The following DNAJC5 variants were observed in gnomAD, a reference collection of about 807,000 sequenced individuals.
DNAJC5 encodes DnaJ heat shock protein family (Hsp40) member C5.
A neutral mutation model predicts 23.2 loss-of-function variants in DNAJC5; 1 was observed. That is an observed-to-expected ratio of 0.04 (90% confidence interval 0.02 to 0.20). DNAJC5 has a LOEUF of 0.20. Among genes scored for constraint, DNAJC5 ranks in the 10% least tolerant of loss-of-function variants. DNAJC5 has a pLI of 1.00. For synonymous variants in DNAJC5, 136 were observed against 120.0 expected, an observed-to-expected ratio of 1.13 and a Z score of -0.87; for missense variants, 180 against 267.0, an observed-to-expected ratio of 0.67 and a Z score of 2.27.
chr20:63,899,864 A>G lies in DNAJC5; in HGVS notation c.-12+4541A>G, dbSNP rs1450431092. Among the ~76,000 whole-genome samples, 4 of 143,122 alleles carry G rather than the reference A, an allele frequency of 2.8e-5. No individual in the cohort carries two copies. The East Asian group carries it at 8.2e-4, about 29-fold the overall frequency. 93.9% of individuals were successfully genotyped at this position (143,122 alleles called of 152,430 possible). The stretch of plus-strand genomic sequence containing the variant: ...CCAAAGTGCTGGGATTGCAGGTGTG[A>G]GCCACTGCGCCTGGGCTTTTTTTTT... On this transcript the variant is annotated intron_variant, in intron 1 of 4. Coordinates refer to ENST00000360864, the MANE Select transcript of DNAJC5 (RefSeq NM_025219.3).
intron 1 of DNAJC5, chr20:63,909,155 C>T (rs1379670509): frequency 1.3e-5 from 2 of 151,890 alleles, no homozygotes; most frequent in Non-Finnish European, 2.9e-5. Flanking sequence ...ATCAGTCGGG[C>T]GTGGTGGCTC....
chr20:63,904,779 T>G (rs910986680), intron 1 of DNAJC5, among the ~76,000 whole-genome samples: 1 of 152,022 alleles, frequency 6.6e-6, no homozygotes, highest in Admixed American at 6.6e-5. Context: ...TAAGGCAGAT[T>G]AATAAACTGT....
chr20:63,904,581 A>G (rs1322551112), intron 1 of DNAJC5, among the ~76,000 whole-genome samples: 2 of 152,178 alleles, frequency 1.3e-5, no homozygotes, highest in Non-Finnish European at 2.9e-5. Context: ...AGATGCGTGC[A>G]GGTGTTCATG....
At chr20:63,921,785 GT>G (rs910731473) in intron 1 of DNAJC5, among the ~76,000 whole-genome samples, 11 of 148,364 alleles carry the variant, frequency 7.4e-5, no homozygotes, top group African/African-American at 2.5e-4. Context: ...CCCCTTGAAA[GT>G]TTTTTTTTTG....
At chr20:63,915,423 TA>T (rs10542373) in intron 1 of DNAJC5, among the ~76,000 whole-genome samples, 11,431 of 125,274 alleles carry the variant, frequency 0.091, 530 homozygotes, top group Non-Finnish European at 0.12. Flanking sequence ...CTACAATTGG[TA>T]AAAAAAAAAA....
In DNAJC5 at chr20:63,920,701, T is replaced by C. The variant is rs993150010; in HGVS notation, c.-11-7634T>C. On this transcript the variant is annotated intron_variant, in intron 1 of 4. Coordinates refer to ENST00000360864, the MANE Select transcript of DNAJC5 (RefSeq NM_025219.3). The surrounding 1 kb of genome is among the most constrained non-coding windows in gnomAD (Gnocchi z 4.6). ...TTATTTATTTATTTATTTTTGAGAC[T>C]GAGTCTGACTCTGTCACCCAGGCTG... Among the ~76,000 whole-genome samples the C allele has an allele frequency of 1.3e-5, 2 of 152,150 alleles. No individual in the cohort carries two copies. The highest frequency in any genetic ancestry group is 4.8e-5 in the African/African-American group (2 of 41,420).
intron 1 of DNAJC5, among the ~76,000 whole-genome samples, chr20:63,922,466 CAA>C (rs71333725): frequency 1.1e-4 from 13 of 117,270 alleles, no homozygotes; most frequent in East Asian, 4.5e-4. Context: ...GACTCTGTCT[CAA>C]AAAAAAAAAA....
chr20:63,897,283 A>G (rs189603043), intron 1 of DNAJC5, among the ~76,000 whole-genome samples: 15 of 152,200 alleles, frequency 9.9e-5, no homozygotes, highest in Non-Finnish European at 1.8e-4. Context: ...AATCCCAGCT[A>G]CTAGGGAGGC....
intron 1 of DNAJC5, among the ~76,000 whole-genome samples, chr20:63,900,122 C>T (rs927693881): frequency 1.1e-4 from 16 of 151,206 alleles, no homozygotes; most frequent in Non-Finnish European, 5.9e-5. Flanking sequence ...CTCCTGACCT[C>T]AGGTGATCCA....
rs945705172 is a variant in DNAJC5, at chr20:63,928,717, G to A, written c.107+265G>A. Among the ~76,000 whole-genome samples, 1 of 152,222 alleles carries A rather than the reference G, an allele frequency of 6.6e-6. No individual in the cohort carries two copies. Among genetic ancestry groups the A allele is most frequent in the African/African-American group, 2.4e-5 (1 of 41,458 alleles). Reference sequence around the variant, plus strand: ...ACAGTTCCATAGGGAGTCAGGGTCTGAACCTGTTTGAGGCCTCACAGGAGC... The same window carrying A: ...ACAGTTCCATAGGGAGTCAGGGTCTAAACCTGTTTGAGGCCTCACAGGAGC... On this transcript the variant is annotated intron_variant, in intron 2 of 4. Coordinates refer to ENST00000360864, the MANE Select transcript of DNAJC5 (RefSeq NM_025219.3). This position sits in a 1 kb window ranked among gnomAD's most constrained non-coding sequence, Gnocchi z 4.6.
intron 1 of DNAJC5, among the ~76,000 whole-genome samples, chr20:63,926,699 AG>A (rs1410326891): frequency 6.6e-6 from 1 of 152,222 alleles, no homozygotes; most frequent in Non-Finnish European, 1.5e-5. Context: ...AGGAAAACCC[AG>A]GCCAACTCCT....
chr20:63,920,579 A>G lies in DNAJC5; in HGVS notation c.-11-7756A>G, dbSNP rs2053562052. Among the ~76,000 whole-genome samples, 1 of 152,230 alleles carries G rather than the reference A, an allele frequency of 6.6e-6. No homozygotes were observed. The highest frequency in any genetic ancestry group is 2.4e-5 in the African/African-American group (1 of 41,462). On this transcript the variant is annotated intron_variant, in intron 1 of 4. Coordinates refer to ENST00000360864, the MANE Select transcript of DNAJC5 (RefSeq NM_025219.3). This position sits in a 1 kb window ranked among gnomAD's most constrained non-coding sequence, Gnocchi z 4.6. ...CGTGTGCGGTCTTGTCTGCCTAGGC[A>G]TGTGTGCGGGCCCTGGGGCTGCTGC...
At chr20:63,916,243 T>G (rs1378355991) in intron 1 of DNAJC5, among the ~76,000 whole-genome samples, 1 of 152,254 alleles carries the variant, frequency 6.6e-6, no homozygotes, top group East Asian at 1.9e-4. Flanking sequence ...CCATCATGCC[T>G]GGTTATCGGG....
chr20:63,918,467 C>G (rs2053532260), intron 1 of DNAJC5, among the ~76,000 whole-genome samples: 1 of 152,100 alleles, frequency 6.6e-6, no homozygotes, highest in Non-Finnish European at 1.5e-5. Context: ...TTTTTAGAAG[C>G]AAGAGAATAG....
chr20:63,917,843 G>A (rs556600745), intron 1 of DNAJC5, among the ~76,000 whole-genome samples: 1 of 152,288 alleles, frequency 6.6e-6, no homozygotes, highest in East Asian at 1.9e-4. Flanking sequence ...TTTTTAAGCA[G>A]TTTTGATAGG....
intron 1 of DNAJC5, among the ~76,000 whole-genome samples, chr20:63,899,047 G>A (rs570674431): frequency 6.6e-6 from 1 of 152,312 alleles, no homozygotes; most frequent in South Asian, 2.1e-4. Flanking sequence ...GACAAGATCA[G>A]GGCTCACGTG....
At position 63,931,139 on chromosome 20, in the gene DNAJC5, G is replaced by A. The variant is rs776767120; in HGVS notation, c.493+117G>A. 7.7e-6 allele frequency: 9 copies of A among 1,162,086 alleles called. No homozygotes were observed. The East Asian group carries it at 2.2e-4, about 29-fold the overall frequency. 72.0% of individuals were successfully genotyped at this position (1,162,086 alleles called of 1,614,324 possible). On this transcript the variant is annotated intron_variant, in intron 4 of 4. Transcript: ENST00000360864. The surrounding 1 kb of genome is among the most constrained non-coding windows in gnomAD (Gnocchi z 9.6). ...CACTGACACTGTGCCGCGAGTGTTT[G>A]TGGTGGCAGCTGGGACTGTTGAGGT... is the stretch of plus-strand genomic sequence containing the variant.
chr20:63,909,538 C>T (rs1203529855), intron 1 of DNAJC5, among the ~76,000 whole-genome samples: 2 of 148,944 alleles, frequency 1.3e-5, no homozygotes, highest in South Asian at 2.1e-4. Context: ...AAAAATTAGC[C>T]GGGAGCAGTG....
chr20:63,915,196 G>T (rs1382559712), intron 1 of DNAJC5, among the ~76,000 whole-genome samples: 1 of 152,088 alleles, frequency 6.6e-6, no homozygotes, highest in African/African-American at 2.4e-5. Flanking sequence ...GATTCCTGTG[G>T]GTGACAAGTG....
Sources: allele counts gnomAD v4.1 joint callset (sites outside exome capture counted in the v4.1 genomes callset), GRCh38; gene constraint gnomAD v4.1.1; non-coding constraint Gnocchi (gnomAD v3.1); transcripts MANE v1.5; gene names NCBI Gene and HGNC (gene_info 2026-07-23, HGNC 2026-07-21).